Variants in PBLD observed in about 807,000 individuals in gnomAD.
PBLD encodes phenazine biosynthesis like protein domain containing, also known as phenazine biosynthesis-like domain-containing protein.
PBLD carries 26 observed loss-of-function variants against 31.3 expected under a neutral mutation model. The ratio of observed to expected loss-of-function variants is 0.83; its 90% CI spans 0.61 to 1.15. PBLD has a LOEUF of 1.15. Among genes scored for constraint, PBLD ranks in the 50% most tolerant of loss-of-function variants. The probability of loss-of-function intolerance (pLI) is 0.00; values close to 1 mark genes in which losing one functional copy is unlikely to be tolerated. For missense variants in PBLD, 307 were observed against 351.7 expected, an observed-to-expected ratio of 0.87 and a Z score of 1.02; for synonymous variants, 114 against 129.0, an observed-to-expected ratio of 0.88 and a Z score of 0.79.
intron 2 of PBLD, among the ~76,000 whole-genome samples, chr10:68,306,266 G>A (rs1050284332): frequency 1.3e-5 from 2 of 151,954 alleles, no homozygotes; most frequent in Non-Finnish European, 2.9e-5. Context: ...ATATACTATA[G>A]CTTAATTCCT....
chr10:68,322,289 G>A (rs1828380015), intron 1 of PBLD, among the ~76,000 whole-genome samples: 1 of 152,062 alleles, frequency 6.6e-6, no homozygotes, highest in Non-Finnish European at 1.5e-5. Context: ...GTGGTATCCT[G>A]GATGGGATCC....
intron 2 of PBLD, among the ~76,000 whole-genome samples, chr10:68,304,834 A>C (rs886749283): frequency 1.3e-5 from 2 of 152,242 alleles, no homozygotes; most frequent in Non-Finnish European, 2.9e-5. Flanking sequence ...TGTGTCTGCC[A>C]GATTGTTTCT....
At chr10:68,312,695 C>T (rs528017718) in intron 1 of PBLD, among the ~76,000 whole-genome samples, 3 of 149,368 alleles carry the variant, frequency 2.0e-5, no homozygotes, top group Non-Finnish European at 3.0e-5. Context: ...CTGCAAGCTC[C>T]GCCTCCCGGG....
At chr10:68,298,861 C>T (rs906410524) in intron 2 of PBLD, among the ~76,000 whole-genome samples, 1 of 151,816 alleles carries the variant, frequency 6.6e-6, no homozygotes, top group African/African-American at 2.4e-5. Context: ...AATCCCAGCA[C>T]CTTAGGAGGC....
chr10:68,311,084 A>G (rs1278887246), intron 1 of PBLD, among the ~76,000 whole-genome samples: 1 of 152,198 alleles, frequency 6.6e-6, no homozygotes, highest in African/African-American at 2.4e-5. Context: ...AAATGGTTGT[A>G]TGGGTACACA....
Position 68,322,240 on chromosome 10 carries a change from G to A in PBLD, c.-60+10544C>T, listed in dbSNP as rs115627991. Among the ~76,000 whole-genome samples, 1,016 of 152,244 alleles carry A rather than the reference G, an allele frequency of 6.7e-3. 13 individuals carry two copies. The highest frequency in any genetic ancestry group is 0.023 in the African/African-American group (942 of 41,520). ...TTGAAGGATATTCCACAAAATACCT[G>A]ACCAGCAGATGCTAAGGAGACATGA... On this transcript the variant is annotated intron_variant, in intron 1 of 9. Transcript: ENST00000358769.
intron 1 of PBLD, among the ~76,000 whole-genome samples, chr10:68,317,219 C>T (rs1481082776): frequency 6.6e-6 from 1 of 152,158 alleles, no homozygotes; most frequent in Non-Finnish European, 1.5e-5. Context: ...AACTATCACT[C>T]AAAGCAAAGG....
chr10:68,299,297 A>T (rs1200889834), intron 2 of PBLD, among the ~76,000 whole-genome samples: 1 of 152,030 alleles, frequency 6.6e-6, no homozygotes, highest in Non-Finnish European at 1.5e-5. Flanking sequence ...GAAATCTACT[A>T]GTTAGATTTT....
chr10:68,303,566 G>A (rs973914860), intron 2 of PBLD, among the ~76,000 whole-genome samples: 27 of 151,490 alleles, frequency 1.8e-4, no homozygotes, highest in Non-Finnish European at 7.4e-5. Context: ...AGGCCGAGGT[G>A]GGAAGATTGC....
chr10:68,318,993 AAGAAAGAG>A (rs1344286195), intron 1 of PBLD, among the ~76,000 whole-genome samples: 185 of 150,892 alleles, frequency 1.2e-3, no homozygotes, highest in African/African-American at 4.2e-3. Context: ...GAAGTTAGGA[AAGAAAGAG>A]AGAAAGAAAG....
chr10:68,284,368 A>T, intron 9 of PBLD, 79 bp from the exon 10 acceptor site: 6 of 1,199,624 alleles, frequency 5.0e-6, no homozygotes, highest in Non-Finnish European at 4.9e-6. Flanking sequence ...ACTTATTACA[A>T]ATCTTAGAGT....
chr10:68,318,624 A>G (rs545031186), intron 1 of PBLD, among the ~76,000 whole-genome samples: 1 of 152,226 alleles, frequency 6.6e-6, no homozygotes, highest in South Asian at 2.1e-4. Flanking sequence ...GAAAGTCACA[A>G]ACAGGTGAGG....
At chr10:68,292,870 T>C (rs1268450939) in intron 4 of PBLD, among the ~76,000 whole-genome samples, 2 of 152,062 alleles carry the variant, frequency 1.3e-5, no homozygotes, top group Non-Finnish European at 2.9e-5. Context: ...AAACCTACCA[T>C]TTATAATGTT....
chr10:68,315,060 G>T (rs1427909994), intron 1 of PBLD, among the ~76,000 whole-genome samples: 1 of 152,112 alleles, frequency 6.6e-6, no homozygotes, highest in Non-Finnish European at 1.5e-5. Flanking sequence ...AAAGTGCTGG[G>T]ATCACAGGTG....
chr10:68,288,631 C>A lies in PBLD; in HGVS notation c.543G>T (p.Thr181=). The A allele has an allele frequency of 1.2e-6, 2 of 1,614,088 alleles. No homozygotes were observed. Among genetic ancestry groups the A allele is most frequent in the Non-Finnish European group, 1.7e-6 (2 of 1,180,002 alleles). The change falls in exon 8 of 10, where the codon ACG becomes ACT. Residue 181 remains threonine, a synonymous_variant. Coordinates refer to ENST00000358769, the MANE Select transcript of PBLD (RefSeq NM_022129.4). ...TGTTTTCAACTTGCAGCAGATTCTC[C>A]GTGTTCACTTTCAGGTTCTCCAGAA... ...RSFLENLKVN[T]ENLLQVENTG... is the part of the protein sequence containing the mutation.
At chr10:68,288,682 A>G (rs1185108028) in intron 7 of PBLD, 21 bp from the exon 8 acceptor site, 3 of 1,610,898 alleles carry the variant, frequency 1.9e-6, no homozygotes, top group Admixed American at 1.7e-5. Flanking sequence ...AACAAGATGG[A>G]TTAGGACAAA....
chr10:68,317,722 C>A (rs776430633), intron 1 of PBLD, among the ~76,000 whole-genome samples: 10 of 151,496 alleles, frequency 6.6e-5, no homozygotes, highest in Admixed American at 2.0e-4. Flanking sequence ...CGGTTGAGCC[C>A]AGGAGGCAGG....
At chr10:68,305,226 A>C (rs920050220) in intron 2 of PBLD, among the ~76,000 whole-genome samples, 3 of 151,940 alleles carry the variant, frequency 2.0e-5, no homozygotes, top group Non-Finnish European at 4.4e-5. Context: ...AATAAAAAAC[A>C]ACAACAACAG....
intron 1 of PBLD, among the ~76,000 whole-genome samples, chr10:68,329,632 GTTGGGACTCACAGTGTC>G (rs1180981443): frequency 6.7e-6 from 1 of 149,908 alleles, no homozygotes; most frequent in Middle Eastern, 3.5e-3. Flanking sequence ...AGGGAGAGGG[GTTGGGACTCACAGTGTC>G]TTGGGACTCA....
Sources: gnomAD v4.1 joint callset for allele counts (sites outside exome capture counted in the v4.1 genomes callset) on GRCh38, gnomAD v4.1.1 for gene constraint, MANE v1.5 for transcripts, NCBI Gene and HGNC (gene_info 2026-07-23, HGNC 2026-07-21) for gene names.